Variants in CEP131 observed in about 807,000 individuals in gnomAD.
CEP131 encodes centrosomal protein 131.
A neutral mutation model predicts 136.8 loss-of-function variants in CEP131; 99 were observed. That is an observed-to-expected ratio of 0.72 (90% CI 0.62 to 0.86). The LOEUF is 0.86. Ranked by LOEUF, CEP131 falls within the 40% of genes least tolerant of loss-of-function variation. The pLI, the probability that CEP131 is intolerant of heterozygous loss-of-function variation, is 0.00. For missense variants in CEP131, 1,459 were observed against 1,463.0 expected (o/e 1.00, Z 0.04); for synonymous variants, 646 against 612.7 (o/e 1.05, Z -0.80).
rs553091333 is a variant in CEP131 at position 81,189,648 on chromosome 17, G to A, written c.*121C>T. On this transcript the variant is annotated 3_prime_UTR_variant, in exon 26 of 26. Transcript: ENST00000450824. The stretch of plus-strand genomic sequence containing the variant: ...AAAATGCAGCCACAGGTGCTTAGCC[G>A]TGGGCATCTCAACCACCAGCCTCTG... The A allele has an allele frequency of 2.8e-5, 28 of 1,002,816 alleles. 1 individual carries two copies. The Middle Eastern group carries it at 1.0e-3, about 36-fold the overall frequency. 62.1% of individuals were successfully genotyped at this position (1,002,816 alleles called of 1,614,324 possible). A position where few individuals can be genotyped will look rare whatever the true frequency, so the allele number is the denominator to read the frequency against.
In CEP131 at chr17:81,203,487, A is replaced by T. The variant is rs1407472614; in HGVS notation, c.629+7T>A. ...CGCAGCCCCGCGGCCTCCCCAGAAG[A>T]CCTTACTTGAGGGAGGGGGCAGTCT... is the stretch of plus-strand genomic sequence containing the variant. On this transcript the variant is annotated splice_region_variant and intron_variant, in intron 6 of 25. Coordinates refer to ENST00000450824, the MANE Select transcript of CEP131 (RefSeq NM_014984.4). The surrounding 1 kb of genome is among the most constrained non-coding windows in gnomAD (Gnocchi z 4.6). The T allele has an allele frequency of 6.3e-7, 1 of 1,591,586 alleles. No individual in the cohort carries two copies. Among genetic ancestry groups the T allele is most frequent in the Admixed American group, 1.7e-5 (1 of 57,174 alleles).
Position 81,212,884 on chromosome 17 carries a change from G to A in CEP131, c.178-3862C>T, listed in dbSNP as rs191784706. ...GTGTGTATATTACACACCAACTGGC[G>A]TACACTACATACTTCCTTGCTCTGT... On this transcript the variant is annotated intron_variant, in intron 2 of 25. Transcript: ENST00000450824. Among the ~76,000 whole-genome samples the A allele has an allele frequency of 8.5e-5, 13 of 152,262 alleles. No homozygotes were observed. The East Asian group carries it at 1.9e-3, about 23-fold the overall frequency.
At position 81,199,517 on chromosome 17, in the gene CEP131, C is replaced by T; in HGVS notation, c.1056G>A (p.Gln352=). 6.2e-7 allele frequency: 1 copy of T among 1,608,682 alleles called. No individual in the cohort carries two copies. Among genetic ancestry groups the T allele is most frequent in the Non-Finnish European group, 8.5e-7 (1 of 1,178,080 alleles). ...ELQQKRALRA[Q]KASTAERGPP... The stretch of plus-strand genomic sequence containing the variant: ...GCCCACGCTCGGCAGTGCTCGCCTT[C>T]TGGGCTCTCAGGGCTCGTTTCTGTT... The change falls in exon 10 of 26, where the codon CAG becomes CAA. Residue 352 remains glutamine, a synonymous_variant. Coordinates refer to ENST00000450824, the MANE Select transcript of CEP131 (RefSeq NM_014984.4).
rs757751041 is a variant in CEP131, at chr17:81,190,643, G to A, written c.3103C>T (p.Arg1035Trp). 86 of 1,585,644 alleles carry A rather than the reference G, an allele frequency of 5.4e-5. No homozygotes were observed. Among genetic ancestry groups the A allele is most frequent in the South Asian group, 2.8e-4 (25 of 88,976 alleles). Reference sequence around the variant, plus strand: ...CCTGCAGCCCCCGCCGCCCACCTCCGGTGCACCTCCTCCAGCTCCAGCTGC... The same window carrying A: ...CCTGCAGCCCCCGCCGCCCACCTCCAGTGCACCTCCTCCAGCTCCAGCTGC... The part of the protein sequence containing the change: ...RQQLELEEVH[R>W]RVKTALARKE... Residue 1035 changes from arginine (R) to tryptophan (W), a missense_variant, in exon 24 of 26, where the codon CGG becomes TGG. Coordinates refer to ENST00000450824, the MANE Select transcript of CEP131 (RefSeq NM_014984.4).
intron 24 of CEP131, 112 bp downstream of exon 24, chr17:81,190,527 C>T (rs1366360896): frequency 7.5e-7 from 1 of 1,336,344 alleles, no homozygotes; most frequent in African/African-American, 1.5e-5. Context: ...GGCCCTGTCT[C>T]TGCATCTCCT....
chr17:81,210,997 G>A (rs1349036204), intron 2 of CEP131, among the ~76,000 whole-genome samples: 1 of 152,142 alleles, frequency 6.6e-6, no homozygotes, highest in African/African-American at 2.4e-5. Context: ...CCGGTTAAAG[G>A]AGGCCAGACA....
intron 5 of CEP131, among the ~76,000 whole-genome samples, chr17:81,205,647 A>C (rs1049358698): frequency 6.6e-6 from 1 of 152,020 alleles, no homozygotes; most frequent in African/African-American, 2.4e-5. Context: ...CTGTAATCCC[A>C]GGGCTTTTGG....
At position 81,189,932 on chromosome 17, in the gene CEP131, G is replaced by T. The variant is rs1325174448; in HGVS notation, c.3151C>A (p.Leu1051Ile). 6.2e-7 allele frequency: 1 copy of T among 1,612,130 alleles called. No individual in the cohort carries two copies. The highest frequency in any genetic ancestry group is 1.3e-5 in the African/African-American group (1 of 75,048). ...GGACTCACCTCATGTTGTGTCCGGA[G>T]GCTGCTCACGGCCTCCTCCTTCCTC... ...LARKEEAVSS[L>I]RTQHEAAVKR... The change falls in exon 25 of 26, where the codon CTC (leucine) becomes ATC (isoleucine). Residue 1051 changes from leucine to isoleucine, a missense_variant. Physicochemically the swap from Leu to Ile is conservative, Grantham distance 5 (BLOSUM62 2). This residue lies in a region of CEP131 where 1,026 missense variants were observed against 964.2 expected (regional missense o/e 1.06). Coordinates refer to ENST00000450824, the MANE Select transcript of CEP131 (RefSeq NM_014984.4).
chr17:81,189,907 G>A lies in CEP131; in HGVS notation c.3168+8C>T. ...CGAGGTCCAGCAGGGCTGGCCACAG[G>A]GACTCACCTCATGTTGTGTCCGGAG... On this transcript the variant is annotated splice_region_variant and intron_variant, in intron 25 of 25. Coordinates refer to ENST00000450824, the MANE Select transcript of CEP131 (RefSeq NM_014984.4). 1 of 1,612,894 alleles carries A rather than the reference G, an allele frequency of 6.2e-7. No homozygotes were observed. Among genetic ancestry groups the A allele is most frequent in the South Asian group, 1.1e-5 (1 of 91,076 alleles).
At chr17:81,214,427 G>T (rs1000356064) in intron 2 of CEP131, among the ~76,000 whole-genome samples, 2 of 151,952 alleles carry the variant, frequency 1.3e-5, no homozygotes, top group Admixed American at 6.6e-5. Flanking sequence ...ATGGTGGCAG[G>T]CGCCTGTAAT....
At chr17:81,199,086 C>G in intron 10 of CEP131, 115 bp from the exon 11 acceptor site, 1 of 1,069,208 alleles carries the variant, frequency 9.4e-7, no homozygotes, top group African/African-American at 1.6e-5. Context: ...ACCCCAGAAG[C>G]AGAGGAGCCG....
intron 3 of CEP131, among the ~76,000 whole-genome samples, chr17:81,207,730 C>T (rs2062038437): frequency 6.6e-6 from 1 of 151,698 alleles, no homozygotes; most frequent in Non-Finnish European, 1.5e-5. Flanking sequence ...CCTGCTGCTG[C>T]TCAGAGCAGA....
intron 15 of CEP131, among the ~76,000 whole-genome samples, chr17:81,196,358 C>T (rs2061755221): frequency 6.6e-6 from 1 of 152,210 alleles, no homozygotes; most frequent in Non-Finnish European, 1.5e-5. Context: ...ACACCTGTGA[C>T]AACTATCAAG....
intron 19 of CEP131, 51 bp downstream of exon 19, chr17:81,192,685 G>GGGGGGGGGGGCGCCCC: frequency 2.1e-6 from 1 of 478,426 alleles, no homozygotes; most frequent in Non-Finnish European, 4.1e-6. Flanking sequence ...GGGGGGAGGG[G>GGGGGGGGGGGCGCCCC]TCAGCCAGCG....
At chr17:81,217,740 G>C (rs2062281533) in intron 2 of CEP131, among the ~76,000 whole-genome samples, 1 of 152,170 alleles carries the variant, frequency 6.6e-6, no homozygotes, top group Non-Finnish European at 1.5e-5. Flanking sequence ...ACTGTTAGCA[G>C]TCGCCACTCA....
intron 4 of CEP131, 125 bp from the exon 5 acceptor site, chr17:81,206,996 T>G: frequency 6.6e-7 from 1 of 1,522,822 alleles, no homozygotes; most frequent in South Asian, 1.3e-5. Flanking sequence ...TCCTGGGGTC[T>G]GCCATGTCAG....
intron 5 of CEP131, among the ~76,000 whole-genome samples, 200 bp downstream of exon 5, chr17:81,206,544 C>A (rs574169863): frequency 1.3e-4 from 20 of 152,216 alleles, no homozygotes; most frequent in African/African-American, 3.9e-4. Context: ...AAGCCTGGGC[C>A]GAGAGCCCCT....
intron 1 of CEP131, among the ~76,000 whole-genome samples, chr17:81,221,082 G>A (rs970032699): frequency 1.5e-5 from 2 of 131,764 alleles, no homozygotes; most frequent in African/African-American, 5.6e-5. Flanking sequence ...CCAAGATCGT[G>A]ACACTGCACT....
At chr17:81,199,284 G>A (rs983978898) in intron 10 of CEP131, 97 bp downstream of exon 10, 19 of 1,361,452 alleles carry the variant, frequency 1.4e-5, no homozygotes, top group Non-Finnish European at 1.9e-5. Context: ...AACATGGGCA[G>A]CAGCACAGGA....
Sources: allele counts gnomAD v4.1 joint callset (sites outside exome capture counted in the v4.1 genomes callset), GRCh38; gene constraint gnomAD v4.1.1; regional missense constraint gnomAD v4.1.1; non-coding constraint Gnocchi (gnomAD v3.1); transcripts MANE v1.5; gene names NCBI Gene and HGNC (gene_info 2026-07-23, HGNC 2026-07-21).